Variants in PTPRD observed in about 807,000 individuals in gnomAD.
PTPRD encodes protein tyrosine phosphatase receptor type D.
A neutral mutation model predicts 214.5 loss-of-function variants in PTPRD; 34 were observed. The ratio of observed to expected loss-of-function variants is 0.16; its 90% confidence interval spans 0.12 to 0.21. PTPRD has a LOEUF of 0.21. Among genes scored for constraint, PTPRD ranks in the 10% least tolerant of loss-of-function variants. PTPRD has a pLI of 1.00. For synonymous variants in PTPRD, 1,128 were observed against 845.7 expected, an observed-to-expected ratio of 1.33 and a Z score of -5.79; for missense variants, 2,545 against 2,398.7, an observed-to-expected ratio of 1.06 and a Z score of -1.27.
intron 4 of PTPRD, among the ~76,000 whole-genome samples, chr9:9,949,742 G>T (rs1226863519): frequency 2.0e-5 from 3 of 152,102 alleles, no homozygotes; most frequent in Non-Finnish European, 4.4e-5. Flanking sequence ...GACGAATGGG[G>T]AGCAAGTATG....
chr9:9,063,745 G>A (rs138266335), intron 10 of PTPRD, among the ~76,000 whole-genome samples: 1 of 152,138 alleles, frequency 6.6e-6, no homozygotes, highest in African/African-American at 2.4e-5. Context: ...ATGAACACTA[G>A]TATGCGGAAG....
chr9:9,776,391 T>G (rs1406032561), intron 5 of PTPRD, among the ~76,000 whole-genome samples: 1 of 152,206 alleles, frequency 6.6e-6, no homozygotes, highest in Non-Finnish European at 1.5e-5. Context: ...TTCCTGCAAT[T>G]GTTGCTTTAC....
chr9:10,076,572 T>A (rs73392138), intron 3 of PTPRD, among the ~76,000 whole-genome samples: 3,170 of 152,132 alleles, frequency 0.021, 132 homozygotes, highest in East Asian at 0.17. Flanking sequence ...GTTTGGTGCT[T>A]CTTGGAAAAA....
At chr9:8,411,455 C>T (rs985159932) in intron 35 of PTPRD, among the ~76,000 whole-genome samples, 4 of 152,070 alleles carry the variant, frequency 2.6e-5, no homozygotes, top group African/African-American at 9.7e-5. Flanking sequence ...AGGCATGTGT[C>T]ACCATGCCTG....
intron 3 of PTPRD, among the ~76,000 whole-genome samples, chr9:10,190,948 A>C (rs2099361357): frequency 6.6e-6 from 1 of 152,076 alleles, no homozygotes; most frequent in Non-Finnish European, 1.5e-5. Flanking sequence ...GAATAAGAAA[A>C]AGCAATAAAA....
Position 8,330,485 on chromosome 9 carries a change from A to AGGTATGCCTGT in PTPRD, c.5534+1086_5534+1096dup, listed in dbSNP as rs1464334076. Among the ~76,000 whole-genome samples, 5 of 152,286 alleles carry AGGTATGCCTGT rather than the reference A, an allele frequency of 3.3e-5. No individual in the cohort carries two copies. In the South Asian group the frequency reaches 1.0e-3, roughly 32 times the overall value. ...GAACTAAACTCCCATAACGTCTCTG[A>AGGTATGCCTGT]GGTATGCCTGTATTTGATTCCATGT... On this transcript the variant is annotated intron_variant, in intron 44 of 45. Transcript: ENST00000381196.
chr9:10,529,989 G>A (rs2055685079), intron 2 of PTPRD, among the ~76,000 whole-genome samples: 1 of 146,566 alleles, frequency 6.8e-6, no homozygotes, highest in African/African-American at 2.5e-5. Context: ...GGTTGTTAGG[G>A]GCAGAAAACC....
chr9:8,581,820 G>C (rs1490557457), intron 14 of PTPRD, among the ~76,000 whole-genome samples: 1 of 149,572 alleles, frequency 6.7e-6, no homozygotes, highest in African/African-American at 2.5e-5. Flanking sequence ...GAAGGGCCCG[G>C]TGGCTCACGC....
intron 9 of PTPRD, among the ~76,000 whole-genome samples, chr9:9,227,094 A>G (rs935007743): frequency 3.3e-5 from 5 of 152,138 alleles, no homozygotes; most frequent in African/African-American, 1.2e-4. Flanking sequence ...AAGTAATATC[A>G]AAATTTTACA....
chr9:9,353,420 G>T (rs573647357), intron 9 of PTPRD, among the ~76,000 whole-genome samples: 1 of 151,902 alleles, frequency 6.6e-6, no homozygotes, highest in South Asian at 2.1e-4. Flanking sequence ...AATGAACAAA[G>T]AAATAAAGCC....
Position 9,760,473 on chromosome 9 carries a change from T to C in PTPRD, c.-326+6337A>G, listed in dbSNP as rs1219160062. Among the ~76,000 whole-genome samples the C allele has an allele frequency of 3.3e-5, 5 of 152,030 alleles. No homozygotes were observed. In the South Asian group the frequency reaches 1.0e-3, roughly 32 times the overall value. Reference sequence around the variant, plus strand: ...CTCCAATACCTTCTTAACTGTCACATGTTCATAACCTTTATTTCTATCCTT... The same window carrying C: ...CTCCAATACCTTCTTAACTGTCACACGTTCATAACCTTTATTTCTATCCTT... On this transcript the variant is annotated intron_variant, in intron 6 of 45. Transcript: ENST00000381196.
chr9:9,003,295 G>T lies in PTPRD; in HGVS notation c.-104+15402C>A, dbSNP rs1433845785. Among the ~76,000 whole-genome samples, 14 of 152,040 alleles carry T rather than the reference G, an allele frequency of 9.2e-5. No homozygotes were observed. The South Asian group carries it at 2.5e-3, about 27-fold the overall frequency. On this transcript the variant is annotated intron_variant, in intron 11 of 45. Transcript: ENST00000381196. ...ATTGTTCTATGAGCAACTAAGACAT[G>T]AACAGCTGAATCTAAATCCCTAACG...
chr9:8,600,792 T>C (rs1442505210), intron 14 of PTPRD, among the ~76,000 whole-genome samples: 2 of 151,764 alleles, frequency 1.3e-5, no homozygotes, highest in Admixed American at 1.3e-4. Context: ...CTTGGGTAAG[T>C]CTCAAACACA....
chr9:8,440,110 C>A (rs2095498291), intron 34 of PTPRD, among the ~76,000 whole-genome samples: 1 of 151,220 alleles, frequency 6.6e-6, no homozygotes, highest in African/African-American at 2.4e-5. Flanking sequence ...CTTTTTTTCC[C>A]ATTTAGAAAT....
At position 9,624,600 on chromosome 9, in the gene PTPRD, C is replaced by G. The variant is rs1034146029; in HGVS notation, c.-286-49819G>C. 3.3e-5 allele frequency among the ~76,000 whole-genome samples: 5 copies of G among 151,856 alleles called. No homozygotes were observed. The East Asian group carries it at 9.6e-4, about 29-fold the overall frequency. ...ACTGTACCTGGCCGTATTTTGGTAG[C>G]TGTTGTTTTAACCACCATAACTATT... On this transcript the variant is annotated intron_variant, in intron 7 of 45. Coordinates refer to ENST00000381196, the MANE Select transcript of PTPRD (RefSeq NM_002839.4).
intron 4 of PTPRD, among the ~76,000 whole-genome samples, chr9:9,965,722 T>C (rs117321491): frequency 6.6e-6 from 1 of 152,110 alleles, no homozygotes; most frequent in Non-Finnish European, 1.5e-5. Context: ...GTTGGGTAAG[T>C]GTTGTAAGCC....
At chr9:10,087,780 C>A (rs190932098) in intron 3 of PTPRD, among the ~76,000 whole-genome samples, 3 of 151,798 alleles carry the variant, frequency 2.0e-5, no homozygotes, top group Admixed American at 1.3e-4. Context: ...CACCACTATA[C>A]AAACAAAAAG....
At chr9:8,577,864 T>A (rs2092621659) in intron 14 of PTPRD, among the ~76,000 whole-genome samples, 1 of 152,148 alleles carries the variant, frequency 6.6e-6, no homozygotes, top group Admixed American at 6.5e-5. Context: ...AATTTGTAGT[T>A]CAACAAGCCT....
intron 8 of PTPRD, among the ~76,000 whole-genome samples, chr9:9,475,927 C>T (rs1021024258): frequency 6.6e-6 from 1 of 152,114 alleles, no homozygotes; most frequent in Non-Finnish European, 1.5e-5. Context: ...GGTAGTTTCA[C>T]ACATTGTAGG....
Sources: gnomAD v4.1 joint callset for allele counts (sites outside exome capture counted in the v4.1 genomes callset) on GRCh38, gnomAD v4.1.1 for gene constraint, MANE v1.5 for transcripts, NCBI Gene and HGNC (gene_info 2026-07-23, HGNC 2026-07-21) for gene names.